Variants in USP9X observed in about 807,000 individuals in gnomAD.
USP9X encodes ubiquitin carboxyl-terminal hydrolase 9X.
USP9X carries 7 observed loss-of-function variants against 190.3 expected under a neutral mutation model. The observed-to-expected ratio is 0.04, with a 90% CI of 0.02 to 0.07. The LOEUF (loss-of-function observed/expected upper bound fraction) is 0.07, where lower values mean the gene tolerates loss of function less well. Ranked by LOEUF, USP9X falls within the 10% of genes least tolerant of loss-of-function variation. The probability of loss-of-function intolerance (pLI) is 1.00; values close to 1 mark genes in which losing one functional copy is unlikely to be tolerated. For missense variants in USP9X, 1,010 were observed against 1,916.9 expected, an observed-to-expected ratio of 0.53 and a Z score of 8.83; for synonymous variants, 645 against 659.5, an observed-to-expected ratio of 0.98 and a Z score of 0.34.
chrX:41,229,804 C>T, intron 43 of USP9X, 25 bp downstream of exon 43: 2 of 1,210,788 alleles, frequency 1.7e-6, no homozygotes, highest in Non-Finnish European at 2.2e-6. Context: ...CAGTGTGCAG[C>T]AGATAGAAAT....
chrX:41,193,580 C>T (rs2062956203), intron 26 of USP9X, among the ~76,000 whole-genome samples: 1 of 111,293 alleles, frequency 9.0e-6, no homozygotes, highest in Admixed American at 9.6e-5. Flanking sequence ...GGCAGATCAC[C>T]TGAGCCCGGA....
At chrX:41,220,934 A>G (rs1364828955) in intron 38 of USP9X, among the ~76,000 whole-genome samples, 2 of 92,687 alleles carry the variant, frequency 2.2e-5, no homozygotes, top group Non-Finnish European at 4.2e-5. Context: ...ACAGGGCAAG[A>G]CTCCGTCTCA....
At position 41,099,096 on chromosome X, in the gene USP9X, G is replaced by GTTTTTTT. The variant is rs34179321; in HGVS notation, c.-159+13007_-159+13013dup. Among the ~76,000 whole-genome samples the GTTTTTTT allele has an allele frequency of 5.4e-4, 24 of 44,272 alleles. 2 individuals are homozygous for GTTTTTTT. The highest frequency in any genetic ancestry group is 1.4e-3 in the African/African-American group (14 of 9,927). 38.4% of individuals were successfully genotyped at this position (44,272 alleles called of 115,157 possible). A position where few individuals can be genotyped will look rare whatever the true frequency, so the allele number is the denominator to read the frequency against. Reference sequence around the variant, plus strand: ...CACATGCCATAATGCCCAGATAATTGTTTTTTTTTTTTTTTTTTTTTTTTT... The same window carrying GTTTTTTT: ...CACATGCCATAATGCCCAGATAATTGTTTTTTTTTTTTTTTTTTTTTTTTTTTTTTTT... On this transcript the variant is annotated intron_variant, in intron 1 of 44. Coordinates refer to ENST00000378308, the MANE Select transcript of USP9X (RefSeq NM_001039591.3).
chrX:41,093,871 G>T (rs771595536), intron 1 of USP9X, among the ~76,000 whole-genome samples: 2 of 112,064 alleles, frequency 1.8e-5, no homozygotes, highest in East Asian at 5.6e-4. Flanking sequence ...CTCTGTGAGT[G>T]GGAAAAACCC....
intron 1 of USP9X, among the ~76,000 whole-genome samples, chrX:41,090,501 G>A (rs943979379): frequency 3.6e-5 from 4 of 112,228 alleles, no homozygotes; most frequent in African/African-American, 1.3e-4. Flanking sequence ...TGTCTTCAAC[G>A]TGTGTATACA....
intron 26 of USP9X, chrX:41,195,991 AAG>A: frequency 2.1e-6 from 1 of 472,497 alleles, no homozygotes; most frequent in Non-Finnish European, 3.8e-6. Context: ...TGTTCCAAGA[AAG>A]AGGTGTTAGA....
intron 35 of USP9X, 105 bp downstream of exon 35, chrX:41,216,757 A>G: frequency 3.2e-6 from 3 of 949,633 alleles, no homozygotes; most frequent in Admixed American, 3.6e-5. Flanking sequence ...AAATGAGTCT[A>G]ATTTGCTGGG....
chrX:41,141,509 T>C (rs981175557), intron 9 of USP9X, 78 bp downstream of exon 9: 27 of 938,764 alleles, frequency 2.9e-5, no homozygotes, highest in Non-Finnish European at 3.6e-5. Context: ...GCTAAAAAAA[T>C]TAGTAATAGT....
At chrX:41,210,721 A>G (rs944774123) in intron 33 of USP9X, 39 bp downstream of exon 33, 6 of 1,157,081 alleles carry the variant, frequency 5.2e-6, no homozygotes, top group Non-Finnish European at 7.0e-6. Context: ...ATGTTGTACC[A>G]TGTATATACT....
intron 21 of USP9X, among the ~76,000 whole-genome samples, chrX:41,175,252 G>A (rs1569180506): frequency 9.0e-6 from 1 of 111,676 alleles, no homozygotes; most frequent in Non-Finnish European, 1.9e-5. Flanking sequence ...CAAGTGTAGT[G>A]GCTCACGCCT....
At chrX:41,206,789 T>C (rs1033556093) in intron 32 of USP9X, among the ~76,000 whole-genome samples, 31 of 109,168 alleles carry the variant, frequency 2.8e-4, no homozygotes, top group East Asian at 8.5e-4. Flanking sequence ...TTTTTTTTTT[T>C]CCCCTGAGAT....
intron 1 of USP9X, among the ~76,000 whole-genome samples, chrX:41,099,049 C>T (rs2062013664): frequency 1.0e-5 from 1 of 97,532 alleles, no homozygotes; most frequent in South Asian, 5.0e-4. Context: ...ACCTCTGCCT[C>T]TTGAGTAGCT....
chrX:41,168,561 C>T lies in USP9X; in HGVS notation c.2636+343C>T, dbSNP rs149243706. 8.1e-3 allele frequency among the ~76,000 whole-genome samples: 906 copies of T among 112,428 alleles called. 7 individuals are homozygous for T. Among genetic ancestry groups the T allele is most frequent in the Non-Finnish European group, 0.014 (727 of 53,266 alleles). On this transcript the variant is annotated intron_variant, in intron 18 of 44. Transcript: ENST00000378308. ...TTATTCTGTCACCCAGGCTGGAATG[C>T]CGAGGTGTAATCATGGCTCACTGCG...
At chrX:41,210,981 C>CT (rs1174791477) in intron 33 of USP9X, among the ~76,000 whole-genome samples, 13 of 107,814 alleles carry the variant, frequency 1.2e-4, no homozygotes, top group East Asian at 8.6e-4. Context: ...TTTCCTTTCT[C>CT]TTTTTTTTTC....
intron 1 of USP9X, among the ~76,000 whole-genome samples, chrX:41,094,765 G>A (rs938609678): frequency 7.3e-5 from 8 of 109,873 alleles, no homozygotes; most frequent in Non-Finnish European, 1.3e-4. Context: ...GGGGCCAGGC[G>A]CGGTGGCTCA....
intron 1 of USP9X, among the ~76,000 whole-genome samples, chrX:41,109,929 C>CA (rs2062096763): frequency 8.9e-6 from 1 of 111,963 alleles, no homozygotes; most frequent in Non-Finnish European, 1.9e-5. Flanking sequence ...GCAAAGGCCA[C>CA]ATTTTAAAAT....
rs1194811241 is a variant in USP9X at position 41,181,435 on chromosome X, C to CCTTT, written c.3149-2563_3149-2562insCTTT. On this transcript the variant is annotated intron_variant, in intron 21 of 44. Coordinates refer to ENST00000378308, the MANE Select transcript of USP9X (RefSeq NM_001039591.3). ...TACAGGTACACACCACCACACCTGA[C>CCTTT]TTTTTTTTTTTTTTTTTTTTTTTTT... is the stretch of plus-strand genomic sequence containing the variant. Among the ~76,000 whole-genome samples the CCTTT allele has an allele frequency of 2.7e-3, 106 of 38,577 alleles. 3 individuals are homozygous for CCTTT. The highest frequency in any genetic ancestry group is 7.6e-3 in the South Asian group (5 of 659). The allele number at this position is 38,577 out of a possible 115,157, so 33.5% of individuals were successfully genotyped here.
At chrX:41,169,886 T>A (rs2062709978) in intron 18 of USP9X, 109 bp from the exon 19 acceptor site, 2 of 971,007 alleles carry the variant, frequency 2.1e-6, no homozygotes, top group Admixed American at 5.4e-5. Context: ...TCACATCCTC[T>A]TGTTTAATAA....
chrX:41,197,299 C>A, intron 28 of USP9X, 65 bp from the exon 29 acceptor site: 1 of 828,635 alleles, frequency 1.2e-6, no homozygotes, highest in Admixed American at 3.0e-5. Flanking sequence ...TCCCTCTTTA[C>A]CTCCCTTTCA....
Sources: gnomAD v4.1 joint callset for allele counts (sites outside exome capture counted in the v4.1 genomes callset) on GRCh38, gnomAD v4.1.1 for gene constraint, MANE v1.5 for transcripts, NCBI Gene and HGNC (gene_info 2026-07-23, HGNC 2026-07-21) for gene names.